KANK3: variants seen among roughly 807,000 people sequenced by gnomAD.
KANK3 encodes the protein KN motif and ankyrin repeat domain-containing protein 3.
Under a neutral mutation model 65.4 loss-of-function variants are expected in KANK3, and 61 were observed. The observed-to-expected ratio is 0.93, with a 90% confidence interval of 0.76 to 1.15. The LOEUF is 1.15. KANK3 is among the 50% of genes most tolerant of loss of function. KANK3 has a pLI of 0.00. For missense variants in KANK3, 1,187 were observed against 1,178.8 expected, an observed-to-expected ratio of 1.01 and a Z score of -0.10; for synonymous variants, 586 against 543.3, an observed-to-expected ratio of 1.08 and a Z score of -1.09.
At chr19:8,331,356 C>A (rs1433709786) in intron 7 of KANK3, among the ~76,000 whole-genome samples, 1 of 146,470 alleles carries the variant, frequency 6.8e-6, no homozygotes, top group Non-Finnish European at 1.5e-5. Context: ...CACTTAGATT[C>A]ATTCACTGTC....
chr19:8,339,428 T>C (rs3097185), intron 1 of KANK3, among the ~76,000 whole-genome samples: 91,151 of 150,170 alleles, frequency 0.61, 28,014 homozygotes, highest in African/African-American at 0.66. Flanking sequence ...GGCACAATCT[T>C]GGCTCACTGC....
rs866582662 is a variant in KANK3 at position 8,332,996 on chromosome 19, C to A, written c.1936+18G>T. 1.0e-6 allele frequency: 1 copy of A among 1,004,202 alleles called. No homozygotes were observed. The highest frequency in any genetic ancestry group is 1.5e-6 in the Non-Finnish European group (1 of 680,720). 62.2% of individuals were successfully genotyped at this position (1,004,202 alleles called of 1,614,324 possible). On this transcript the variant is annotated intron_variant, in intron 7 of 10. Coordinates refer to ENST00000330915, the MANE Select transcript of KANK3 (RefSeq NM_198471.3). ...CACCCATTTCCTGGTGTCCCACCCA[C>A]CCTCCCTTGGCTCTGACCCGTATCC...
intron 1 of KANK3, 54 bp from the exon 2 acceptor site, chr19:8,337,910 G>A: frequency 6.2e-7 from 1 of 1,604,102 alleles, no homozygotes; most frequent in South Asian, 1.1e-5. Flanking sequence ...TGGAGCCTCT[G>A]GGGCCTGCCT....
At chr19:8,341,775 G>A (rs1325798177) in intron 1 of KANK3, among the ~76,000 whole-genome samples, 1 of 152,154 alleles carries the variant, frequency 6.6e-6, no homozygotes, top group Non-Finnish European at 1.5e-5. Flanking sequence ...ACAAGCATGA[G>A]CTACTGCACC....
chr19:8,332,489 A>C (rs1239446215), intron 7 of KANK3, among the ~76,000 whole-genome samples: 2 of 151,356 alleles, frequency 1.3e-5, no homozygotes, highest in African/African-American at 2.4e-5. Flanking sequence ...AGAGGGCAGA[A>C]GGCCTTTGGG....
At chr19:8,329,711 G>A (rs1272044717) in intron 7 of KANK3, among the ~76,000 whole-genome samples, 3 of 152,046 alleles carry the variant, frequency 2.0e-5, no homozygotes, top group Non-Finnish European at 2.9e-5. Flanking sequence ...CGTGCAAGTG[G>A]GGCACCTGCA....
At chr19:8,342,160 A>G (rs571006749) in intron 1 of KANK3, among the ~76,000 whole-genome samples, 6 of 152,186 alleles carry the variant, frequency 3.9e-5, no homozygotes, top group African/African-American at 1.2e-4. Flanking sequence ...CAGCTGGCTA[A>G]TTTTTGAATT....
At position 8,322,788 on chromosome 19, in the gene KANK3, C is replaced by G. The variant is rs767249435; in HGVS notation, c.*51G>C. 4 of 1,393,498 alleles carry G rather than the reference C, an allele frequency of 2.9e-6. No individual in the cohort carries two copies. In the South Asian group the frequency reaches 4.7e-5, roughly 17 times the overall value. The allele number at this position is 1,393,498 out of a possible 1,614,324, so 86.3% of individuals were successfully genotyped here. On this transcript the variant is annotated 3_prime_UTR_variant, in exon 11 of 11. Coordinates refer to ENST00000330915, the MANE Select transcript of KANK3 (RefSeq NM_198471.3). The stretch of plus-strand genomic sequence containing the variant: ...TTCTGTGCGCCAAAGGCTGAGGTGA[C>G]TGACGAGGAGATCTCCCCACAGCTA...
intron 10 of KANK3, chr19:8,323,126 C>T (rs1324785148): frequency 4.7e-6 from 2 of 428,468 alleles, no homozygotes; most frequent in Non-Finnish European, 8.3e-6. Context: ...TACAGGTGTT[C>T]CTCAGTTTAC....
chr19:8,330,647 G>A (rs1355986437), intron 7 of KANK3, among the ~76,000 whole-genome samples: 1 of 151,952 alleles, frequency 6.6e-6, no homozygotes, highest in East Asian at 1.9e-4. Context: ...AGAATCACTT[G>A]AATCTGGGAG....
At chr19:8,330,659 C>T (rs566543397) in intron 7 of KANK3, among the ~76,000 whole-genome samples, 27 of 150,908 alleles carry the variant, frequency 1.8e-4, no homozygotes, top group African/African-American at 4.6e-4. Context: ...ATCTGGGAGG[C>T]GGAGGTTGCA....
chr19:8,324,734 C>T lies in KANK3; in HGVS notation c.2179G>A (p.Ala727Thr), dbSNP rs2145411163. The part of the protein sequence containing the change: ...ACGADVNAQD[A>T]DGATALMCAS... ...CACATCAGCGCTGTGGCCCCATCCG[C>T]ATCCTGCGCATTCACATCAGCCCCA... The change falls in exon 9 of 11, where the codon GCG becomes ACG. Residue 727 changes from alanine (A) to threonine (T), a missense_variant. Ala to Thr is a moderately conservative substitution (Grantham distance 58). This residue lies in a region of KANK3 where 1,078 missense variants were observed against 1,038.2 expected (regional missense o/e 1.04). Transcript: ENST00000330915. 1 of 1,614,072 alleles carries T rather than the reference C, an allele frequency of 6.2e-7. No homozygotes were observed. Among genetic ancestry groups the T allele is most frequent in the Middle Eastern group, 1.6e-4 (1 of 6,062 alleles).
intron 2 of KANK3, 64 bp downstream of exon 2, chr19:8,337,731 A>G: frequency 1.3e-6 from 2 of 1,580,230 alleles, no homozygotes; most frequent in South Asian, 1.1e-5. Context: ...TCCACACACA[A>G]GGGCATCAAG....
In KANK3 at chr19:8,335,355, G is replaced by T; in HGVS notation, c.472C>A (p.Pro158Thr). 1 of 1,194,874 alleles carries T rather than the reference G, an allele frequency of 8.4e-7. No homozygotes were observed. The highest frequency in any genetic ancestry group is 1.0e-6 in the Non-Finnish European group (1 of 964,642). The allele number at this position is 1,194,874 out of a possible 1,614,324, so 74.0% of individuals were successfully genotyped here. The change falls in exon 3 of 11, where the codon CCG (proline) becomes ACG (threonine). Residue 158 changes from proline (P) to threonine (T), a missense_variant. By Grantham distance (38) the Pro-to-Thr change is conservative (BLOSUM62 -1). Transcript: ENST00000330915. The stretch of plus-strand genomic sequence containing the variant: ...CGGCCGGACCCGCGTGGGCTGCGCG[G>T]GACCCCGCGGCCGGGGCTGGGCGCG... ...ERAPSPGRGV[P>T]RSPRGSGRSS...
At position 8,333,937 on chromosome 19, in the gene KANK3, G is replaced by A. The variant is rs531314408; in HGVS notation, c.1607C>T (p.Ala536Val). The change falls in exon 5 of 11, where the codon GCA becomes GTA. Residue 536 changes from alanine to valine, a missense_variant. Ala to Val is a moderately conservative substitution (Grantham distance 64). Coordinates refer to ENST00000330915, the MANE Select transcript of KANK3 (RefSeq NM_198471.3). This position sits in a 1 kb window ranked among gnomAD's most constrained non-coding sequence, Gnocchi z 5.0. ...DIRDPEPEAE[A>V]EPQQVAQGRC... ...CCCCTGTGCCACCTGCTGAGGCTCT[G>A]CCTCCGCCTCGGGCTCAGGGTCCCG... The A allele has an allele frequency of 7.6e-6, 12 of 1,575,172 alleles. No homozygotes were observed. Among genetic ancestry groups the A allele is most frequent in the Non-Finnish European group, 9.5e-6 (11 of 1,163,940 alleles).
At position 8,340,697 on chromosome 19, in the gene KANK3, A is replaced by C. The variant is rs550113728; in HGVS notation, c.-29+2528T>G. Among the ~76,000 whole-genome samples, 87 of 151,894 alleles carry C rather than the reference A, an allele frequency of 5.7e-4. 1 individual carries two copies. Among genetic ancestry groups the C allele is most frequent in the African/African-American group, 2.1e-3 (86 of 41,394 alleles). On this transcript the variant is annotated intron_variant, in intron 1 of 10. Transcript: ENST00000330915. ...CCCTCCTGACTCATTACCCTACTCC[A>C]CCGCTGGGGAAACCGTAACTCCATT... is the stretch of plus-strand genomic sequence containing the variant.
Position 8,331,602 on chromosome 19 carries a change from C to T in KANK3, c.1936+1412G>A, listed in dbSNP as rs113320771. ...GGTGGACAGCGATTTGTTTACCACC[C>T]ACCAGACCCTTTGTGCCCAGTTTAT... On this transcript the variant is annotated intron_variant, in intron 7 of 10. Transcript: ENST00000330915. Among the ~76,000 whole-genome samples the T allele has an allele frequency of 4.5e-3, 685 of 152,246 alleles. 3 individuals carry two copies. Among genetic ancestry groups the T allele is most frequent in the Non-Finnish European group, 7.9e-3 (538 of 68,018 alleles).
At position 8,325,296 on chromosome 19, in the gene KANK3, C is replaced by CTTTTTTTTTTTTTTT. The variant is rs573315741; in HGVS notation, c.1937-215_1937-201dup. On this transcript the variant is annotated intron_variant, in intron 7 of 10. Transcript: ENST00000330915. ...TCAGTGAAGGACCTTCCTGTTTCAT[C>CTTTTTTTTTTTTTTT]TTTTTTTTTTTTTTTTTTTTTTTTT... is the stretch of plus-strand genomic sequence containing the variant. Among the ~76,000 whole-genome samples the CTTTTTTTTTTTTTTT allele has an allele frequency of 1.9e-3, 149 of 78,632 alleles. 16 individuals carry two copies. Among genetic ancestry groups the CTTTTTTTTTTTTTTT allele is most frequent in the African/African-American group, 4.3e-3 (81 of 18,658 alleles). 51.6% of individuals were successfully genotyped at this position (78,632 alleles called of 152,430 possible).
chr19:8,340,975 C>T (rs1970716813), intron 1 of KANK3, among the ~76,000 whole-genome samples: 1 of 152,104 alleles, frequency 6.6e-6, no homozygotes, highest in South Asian at 2.1e-4. Flanking sequence ...GTCTACTTCT[C>T]ACACAGCTGG....
Sources: gnomAD v4.1 joint callset for allele counts (sites outside exome capture counted in the v4.1 genomes callset) on GRCh38, gnomAD v4.1.1 for gene constraint, gnomAD v4.1.1 regional missense constraint, Gnocchi (gnomAD v3.1) non-coding constraint, MANE v1.5 for transcripts, NCBI Gene and HGNC (gene_info 2026-07-23, HGNC 2026-07-21) for gene names.